Variants in RBFOX1 observed in about 807,000 individuals in gnomAD.
RBFOX1 encodes the protein RNA binding protein fox-1 homolog 1.
In RBFOX1, 8 loss-of-function variants were observed where a neutral mutation model predicts 57.7. That is an observed-to-expected ratio of 0.14 (90% CI 0.08 to 0.25). The LOEUF (loss-of-function observed/expected upper bound fraction) is 0.25. Ranked by LOEUF, RBFOX1 falls within the 10% of genes least tolerant of loss-of-function variation. The probability of loss-of-function intolerance (pLI) is 1.00; values close to 1 mark genes in which losing one functional copy is unlikely to be tolerated. For synonymous variants in RBFOX1, 326 were observed against 222.4 expected, an observed-to-expected ratio of 1.47 and a Z score of -4.15; for missense variants, 611 against 548.5, an observed-to-expected ratio of 1.11 and a Z score of -1.14.
At chr16:7,530,352 G>C (rs898697281) in intron 5 of RBFOX1, among the ~76,000 whole-genome samples, 5 of 152,086 alleles carry the variant, frequency 3.3e-5, no homozygotes, top group Non-Finnish European at 5.9e-5. Flanking sequence ...TCTCTGCATT[G>C]AAATAGACAA....
intron 1 of RBFOX1, among the ~76,000 whole-genome samples, chr16:5,428,409 C>T (rs1052917872): frequency 2.0e-5 from 3 of 152,036 alleles, no homozygotes; most frequent in Non-Finnish European, 4.4e-5. Context: ...CAACAGTGGC[C>T]GAGTGGACAC....
At chr16:5,372,304 C>A (rs535359598) in intron 1 of RBFOX1, among the ~76,000 whole-genome samples, 16 of 152,282 alleles carry the variant, frequency 1.1e-4, no homozygotes, top group African/African-American at 3.1e-4. Flanking sequence ...CATGGGTGAA[C>A]TCAGTGAAAC....
At chr16:6,861,797 C>CCCT (rs1224562554) in intron 3 of RBFOX1, among the ~76,000 whole-genome samples, 4 of 150,694 alleles carry the variant, frequency 2.7e-5, no homozygotes, top group African/African-American at 4.9e-5. Context: ...CATACACTCC[C>CCCT]CCTCTTTCCT....
At chr16:7,102,813 A>C (rs1473218837) in intron 4 of RBFOX1, among the ~76,000 whole-genome samples, 1 of 152,188 alleles carries the variant, frequency 6.6e-6, no homozygotes. Flanking sequence ...TCCAACCAGC[A>C]ATTTTTTTGA....
intron 1 of RBFOX1, among the ~76,000 whole-genome samples, chr16:6,052,284 T>C (rs1421498513): frequency 6.6e-6 from 1 of 152,128 alleles, no homozygotes; most frequent in African/African-American, 2.4e-5. Context: ...ATGCCTGATG[T>C]CCCTGTATTC....
intron 14 of RBFOX1, among the ~76,000 whole-genome samples, chr16:7,688,495 A>G (rs974994271): frequency 2.0e-5 from 3 of 152,134 alleles, no homozygotes; most frequent in African/African-American, 4.8e-5. Flanking sequence ...CTCTGACTTG[A>G]TATCTAGCAT....
At chr16:5,999,788 G>A (rs1446755518) in intron 4 of RBFOX1, among the ~76,000 whole-genome samples, 1 of 148,452 alleles carries the variant, frequency 6.7e-6, no homozygotes, top group Non-Finnish European at 1.5e-5. Context: ...GTGAACCTGG[G>A]AGGCGGAGCT....
intron 4 of RBFOX1, among the ~76,000 whole-genome samples, chr16:7,415,685 C>G (rs2098471263): frequency 6.6e-6 from 1 of 152,124 alleles, no homozygotes; most frequent in South Asian, 2.1e-4. Context: ...CCAAGAAGCA[C>G]TAGTTGAATT....
At chr16:6,884,591 G>A (rs144294497) in intron 3 of RBFOX1, among the ~76,000 whole-genome samples, 148 of 152,098 alleles carry the variant, frequency 9.7e-4, no homozygotes, top group African/African-American at 3.4e-3. Context: ...ATTTTGAAGA[G>A]ATTAAAAAAC....
At chr16:7,227,285 A>ACACCCCCCCCCCCC (rs2093190300) in intron 4 of RBFOX1, among the ~76,000 whole-genome samples, 2 of 73,240 alleles carry the variant, frequency 2.7e-5, no homozygotes, top group Non-Finnish European at 6.8e-5. Flanking sequence ...CACACACCCC[A>ACACCCCCCCCCCCC]CCCCACCCCC....
chr16:5,838,525 C>T (rs1216722107), intron 3 of RBFOX1: 5 of 157,076 alleles, frequency 3.2e-5, no homozygotes, highest in Non-Finnish European at 7.2e-5. Context: ...CTTGCTATCT[C>T]ATGTGCTTAG....
chr16:7,665,448 G>T (rs1159013208), intron 13 of RBFOX1, among the ~76,000 whole-genome samples: 4 of 152,136 alleles, frequency 2.6e-5, no homozygotes, highest in South Asian at 2.1e-4. Context: ...GACAAGTTTA[G>T]CCCTAAACAT....
intron 3 of RBFOX1, among the ~76,000 whole-genome samples, chr16:6,778,699 TC>T (rs2079806860): frequency 6.6e-6 from 1 of 152,052 alleles, no homozygotes; most frequent in African/African-American, 2.4e-5. Flanking sequence ...TTCTTAGAAT[TC>T]TTAAATTAAA....
chr16:6,912,832 C>A (rs768606019), intron 3 of RBFOX1, among the ~76,000 whole-genome samples: 1 of 151,962 alleles, frequency 6.6e-6, no homozygotes, highest in Admixed American at 6.6e-5. Context: ...GTTGCCCAGG[C>A]TAGACTCAAA....
At chr16:7,563,087 A>G (rs1290966814) in intron 5 of RBFOX1, among the ~76,000 whole-genome samples, 1 of 152,196 alleles carries the variant, frequency 6.6e-6, no homozygotes. Context: ...TCTGAACCTC[A>G]ATTTCTTTGC....
At chr16:7,018,870 G>A (rs2094055304) in intron 3 of RBFOX1, among the ~76,000 whole-genome samples, 1 of 152,020 alleles carries the variant, frequency 6.6e-6, no homozygotes, top group South Asian at 2.1e-4. Flanking sequence ...TGTAATCTCA[G>A]CACATTGGGA....
chr16:5,469,623 C>G (rs1391130647), intron 2 of RBFOX1, among the ~76,000 whole-genome samples: 2 of 152,054 alleles, frequency 1.3e-5, no homozygotes, highest in Non-Finnish European at 2.9e-5. Flanking sequence ...GCATTTTTGT[C>G]ACCCCCAAAG....
chr16:7,154,863 A>G (rs1056282279), intron 4 of RBFOX1, among the ~76,000 whole-genome samples: 12 of 152,148 alleles, frequency 7.9e-5, no homozygotes, highest in Admixed American at 3.9e-4. Context: ...TTGTATTGTT[A>G]TGAAACCCAC....
chr16:6,893,492 C>T (rs191202817), intron 3 of RBFOX1, among the ~76,000 whole-genome samples: 1 of 152,136 alleles, frequency 6.6e-6, no homozygotes, highest in Admixed American at 6.6e-5. Context: ...GGTCCCTTGT[C>T]AGTATCAACA....
Sources: gnomAD v4.1 joint callset for allele counts (sites outside exome capture counted in the v4.1 genomes callset) on GRCh38, gnomAD v4.1.1 for gene constraint, MANE v1.5 for transcripts, NCBI Gene and HGNC (gene_info 2026-07-23, HGNC 2026-07-21) for gene names.